Variants in KCNH2 observed in about 807,000 individuals in gnomAD.
KCNH2 encodes potassium voltage-gated channel subfamily H member 2.
In KCNH2, 35 loss-of-function variants were observed where a neutral mutation model predicts 95.9. That is an observed-to-expected ratio of 0.37 (90% CI 0.28 to 0.48). The LOEUF (loss-of-function observed/expected upper bound fraction) is 0.48. Ranked by LOEUF, KCNH2 falls within the 20% of genes least tolerant of loss-of-function variation. KCNH2 has a pLI of 0.99. For missense variants in KCNH2, 1,274 were observed against 1,702.9 expected, an observed-to-expected ratio of 0.75 and a Z score of 4.43; for synonymous variants, 786 against 754.7, an observed-to-expected ratio of 1.04 and a Z score of -0.68.
Position 150,951,811 on chromosome 7 carries a change from G to GC in KCNH2, c.1581dup (p.Arg528AlafsTer127), listed in dbSNP as rs1484370362. 1 of 1,588,260 alleles carries GC rather than the reference G, an allele frequency of 6.3e-7. No homozygotes were observed. Among genetic ancestry groups the GC allele is most frequent in the Admixed American group, 1.7e-5 (1 of 59,148 alleles). The stretch of plus-strand genomic sequence containing the variant: ...GCCACGCGCACCAGCCGCAGCAGCC[G>GC]CGCAGTCTTCAGCAGCCCGATCAGC... On this transcript the variant is annotated frameshift_variant, in exon 7 of 15. Coordinates refer to ENST00000262186, the MANE Select transcript of KCNH2 (RefSeq NM_000238.4). LOFTEE classifies it high-confidence loss of function.
rs377030056 is a variant in KCNH2, at chr7:150,959,521, A to T, written c.472+51T>A. 9 of 1,605,306 alleles carry T rather than the reference A, an allele frequency of 5.6e-6. No homozygotes were observed. In the African/African-American group the frequency reaches 1.2e-4, roughly 22 times the overall value. On this transcript the variant is annotated intron_variant, in intron 3 of 14. Transcript: ENST00000262186. ...TGACCTTGGACAGCTCACAGCCCCAAAGAAATGAGACCACGAACCCCTGAG... is the reference window on the plus strand; with the variant it reads ...TGACCTTGGACAGCTCACAGCCCCATAGAAATGAGACCACGAACCCCTGAG...
rs1173999193 is a variant in KCNH2, at chr7:150,945,389, T to C, written c.3456A>G (p.Arg1152=). 1 of 1,590,582 alleles carries C rather than the reference T, an allele frequency of 6.3e-7. No individual in the cohort carries two copies. Among genetic ancestry groups the C allele is most frequent in the Non-Finnish European group, 8.6e-7 (1 of 1,169,088 alleles). The change falls in exon 15 of 15, where the codon AGA becomes AGG. Residue 1152 remains arginine, a synonymous_variant. Coordinates refer to ENST00000262186, the MANE Select transcript of KCNH2 (RefSeq NM_000238.4). The surrounding 1 kb of genome is among the most constrained non-coding windows in gnomAD (Gnocchi z 5.6). The part of the protein sequence containing the change: ...LGALTSQPLH[R]HGSDPGS The stretch of plus-strand genomic sequence containing the variant: ...ACTAACTGCCCGGGTCCGAGCCGTG[T>C]CTGTGCAGGGGCTGGGAGGTGAGGG...
intron 2 of KCNH2, among the ~76,000 whole-genome samples, chr7:150,972,886 A>T (rs1801876445): frequency 1.3e-5 from 2 of 152,186 alleles, no homozygotes; most frequent in Admixed American, 1.3e-4. Flanking sequence ...GGCCAGCTCC[A>T]CCTAAGAGCA....
At chr7:150,954,101 C>A (rs761082844) in intron 5 of KCNH2, among the ~76,000 whole-genome samples, 2 of 152,176 alleles carry the variant, frequency 1.3e-5, no homozygotes, top group Admixed American at 1.3e-4. Flanking sequence ...GGGCCTCCAG[C>A]GGTACCAGAT....
chr7:150,969,100 G>T (rs963906934), intron 2 of KCNH2, among the ~76,000 whole-genome samples: 2 of 152,144 alleles, frequency 1.3e-5, no homozygotes, highest in Non-Finnish European at 2.9e-5. Flanking sequence ...GCCCCAGAAG[G>T]GCTCTCTGGG....
chr7:150,977,952 C>G lies in KCNH2; in HGVS notation c.-39G>C. The G allele has an allele frequency of 7.7e-7, 1 of 1,302,534 alleles. No homozygotes were observed. The highest frequency in any genetic ancestry group is 1.0e-6 in the Non-Finnish European group (1 of 954,544). The allele number at this position is 1,302,534 out of a possible 1,614,324, so 80.7% of individuals were successfully genotyped here. A position where few individuals can be genotyped will look rare whatever the true frequency, so the allele number is the denominator to read the frequency against. ...GCGGGCCGGGCGGGCCCCCACCCACCCCGGCCCGGCCCGGCCCAGCACTAG... is the reference window on the plus strand; with the variant it reads ...GCGGGCCGGGCGGGCCCCCACCCACGCCGGCCCGGCCCGGCCCAGCACTAG... On this transcript the variant is annotated 5_prime_UTR_variant, in exon 1 of 15. Transcript: ENST00000262186.
chr7:150,961,140 C>G lies in KCNH2; in HGVS notation c.308-1404G>C, dbSNP rs969476911. On this transcript the variant is annotated intron_variant, in intron 2 of 14. Transcript: ENST00000262186. This position sits in a 1 kb window ranked among gnomAD's most constrained non-coding sequence, Gnocchi z 6.2. ...TGCCTCCCAGTGTCTCCCGTCCCCA[C>G]GTTAGTGCCTAGCACCTAGAGTCAT... is the stretch of plus-strand genomic sequence containing the variant. Among the ~76,000 whole-genome samples, 1 of 152,174 alleles carries G rather than the reference C, an allele frequency of 6.6e-6. No homozygotes were observed. The highest frequency in any genetic ancestry group is 2.4e-5 in the African/African-American group (1 of 41,426).
chr7:150,945,611 G>A lies in KCNH2; in HGVS notation c.3331-97C>T. On this transcript the variant is annotated intron_variant, in intron 14 of 14. Transcript: ENST00000262186. The surrounding 1 kb of genome is among the most constrained non-coding windows in gnomAD (Gnocchi z 5.6). Reference sequence around the variant, plus strand: ...AGAACCCGGGGACAGAGGATGGACGGGAGGACAGGAGGGCCAAGAGGAGAG... The same window carrying A: ...AGAACCCGGGGACAGAGGATGGACGAGAGGACAGGAGGGCCAAGAGGAGAG... The A allele has an allele frequency of 7.9e-7, 1 of 1,272,350 alleles. No homozygotes were observed. The highest frequency in any genetic ancestry group is 2.0e-5 in the Admixed American group (1 of 50,640). 78.8% of individuals were successfully genotyped at this position (1,272,350 alleles called of 1,614,324 possible). A position where few individuals can be genotyped will look rare whatever the true frequency, so the allele number is the denominator to read the frequency against.
intron 2 of KCNH2, among the ~76,000 whole-genome samples, chr7:150,965,594 C>T (rs996077816): frequency 3.9e-5 from 6 of 152,096 alleles, no homozygotes; most frequent in African/African-American, 1.4e-4. Context: ...CACCCCTCTT[C>T]CCTCCAACTC....
At chr7:150,972,279 G>C (rs534452495) in intron 2 of KCNH2, among the ~76,000 whole-genome samples, 9 of 152,352 alleles carry the variant, frequency 5.9e-5, no homozygotes, top group Admixed American at 3.3e-4. Context: ...CCCTACCCGA[G>C]GCTGGCCCAG....
chr7:150,957,221 C>A, intron 5 of KCNH2, 70 bp downstream of exon 5: 1 of 1,327,808 alleles, frequency 7.5e-7, no homozygotes, highest in South Asian at 1.3e-5. Context: ...GGCTCTGGAT[C>A]ACAGCCCACT....
chr7:150,968,242 C>T (rs1289658992), intron 2 of KCNH2, among the ~76,000 whole-genome samples: 2 of 152,194 alleles, frequency 1.3e-5, no homozygotes, highest in Admixed American at 1.3e-4. Context: ...CCAGCAATTC[C>T]ACTCCCGGGC....
rs2116922746 is a variant in KCNH2, at chr7:150,946,467, T to C, written c.3330+410A>G. Among the ~76,000 whole-genome samples the C allele has an allele frequency of 6.6e-6, 1 of 152,278 alleles. No individual in the cohort carries two copies. Among genetic ancestry groups the C allele is most frequent in the South Asian group, 2.1e-4 (1 of 4,832 alleles). On this transcript the variant is annotated intron_variant, in intron 14 of 14. Coordinates refer to ENST00000262186, the MANE Select transcript of KCNH2 (RefSeq NM_000238.4). The surrounding 1 kb of genome is among the most constrained non-coding windows in gnomAD (Gnocchi z 6.5). ...AGGGACCCGGGACCCTGTCCCTAGA[T>C]ACTCTGGTATGCAGCCTCCACCGCC...
chr7:150,949,540 G>A (rs1801053277), intron 9 of KCNH2: 2 of 905,900 alleles, frequency 2.2e-6, no homozygotes. Context: ...TTTGATTTTA[G>A]TTTTGTGGGG....
rs41307292 is a variant in KCNH2 at position 150,950,235 on chromosome 7, G to A, written c.2331C>T (p.Thr777=). ...AGCCCCGGGAGATGAAGTACAGGGC[G>A]GTGAGCAGGTCCCCAGCATGCACCA... is the stretch of plus-strand genomic sequence containing the variant. ...DTLVHAGDLL[T]ALYFISRGSI... The change falls in exon 9 of 15, where the codon ACC becomes ACT. Residue 777 remains threonine (T), a synonymous_variant. Transcript: ENST00000262186. The A allele has an allele frequency of 2.5e-5, 40 of 1,613,352 alleles. No individual in the cohort carries two copies. In the East Asian group the frequency reaches 4.7e-4, roughly 19 times the overall value.
rs1339742380 is a variant in KCNH2 at position 150,946,911 on chromosome 7, G to A, written c.3296C>T (p.Pro1099Leu). The A allele has an allele frequency of 6.3e-6, 10 of 1,598,942 alleles. No homozygotes were observed. Among genetic ancestry groups the A allele is most frequent in the East Asian group, 2.2e-5 (1 of 44,526 alleles). Residue 1099 changes from proline to leucine, a missense_variant, in exon 14 of 15, where the codon CCC becomes CTC. Around this residue, in one of 7 missense-constraint regions of KCNH2, gnomAD observed 457 missense variants for 416.1 expected, o/e 1.10. Coordinates refer to ENST00000262186, the MANE Select transcript of KCNH2 (RefSeq NM_000238.4). This position sits in a 1 kb window ranked among gnomAD's most constrained non-coding sequence, Gnocchi z 6.5. ...TSTSPLLPVS[P>L]LPTLTLDSLS... ...CGAGTCCAAGGTGAGGGTGGGGAGG[G>A]GGCTGACGGGCAACAGCGGGGATGT...
chr7:150,954,819 AGAG>A (rs1801311723), intron 5 of KCNH2, among the ~76,000 whole-genome samples: 3 of 152,238 alleles, frequency 2.0e-5, no homozygotes, highest in Admixed American at 6.5e-5. Flanking sequence ...AGGAGGTCAC[AGAG>A]TAGTGCATGG....
chr7:150,963,464 G>T (rs559804681), intron 2 of KCNH2, among the ~76,000 whole-genome samples: 1 of 152,292 alleles, frequency 6.6e-6, no homozygotes, highest in South Asian at 2.1e-4. Context: ...GTCACCATAA[G>T]CTTGAGACAG....
chr7:150,977,658 A>C (rs1802009226), intron 1 of KCNH2, among the ~76,000 whole-genome samples, 180 bp downstream of exon 1: 4 of 114,088 alleles, frequency 3.5e-5, no homozygotes, highest in Non-Finnish European at 5.4e-5. Flanking sequence ...CCCGGTGCCC[A>C]CGGCCCCGGT....
Sources: gnomAD v4.1 joint callset for allele counts (sites outside exome capture counted in the v4.1 genomes callset) on GRCh38, gnomAD v4.1.1 for gene constraint, gnomAD v4.1.1 regional missense constraint, Gnocchi (gnomAD v3.1) non-coding constraint, MANE v1.5 for transcripts, NCBI Gene and HGNC (gene_info 2026-07-23, HGNC 2026-07-21) for gene names.